TIAM1: variants seen among roughly 807,000 people sequenced by gnomAD.
The protein encoded by TIAM1 is rho guanine nucleotide exchange factor TIAM1.
TIAM1 carries 65 observed loss-of-function variants against 163.5 expected under a neutral mutation model. The observed-to-expected ratio is 0.40, with a 90% confidence interval of 0.33 to 0.49. TIAM1 has a LOEUF of 0.49. TIAM1 is among the 20% of genes least tolerant of loss of function. The pLI, the probability that TIAM1 is intolerant of heterozygous loss-of-function variation, is 0.77. For synonymous variants in TIAM1, 833 were observed against 810.1 expected, an observed-to-expected ratio of 1.03 and a Z score of -0.48; for missense variants, 1,789 against 2,044.7, an observed-to-expected ratio of 0.87 and a Z score of 2.41.
chr21:31,415,259 A>T (rs1042888907), intron 2 of TIAM1, among the ~76,000 whole-genome samples: 7 of 152,374 alleles, frequency 4.6e-5, no homozygotes, highest in Admixed American at 1.3e-4. Context: ...ACCTAAATTT[A>T]TAATGTTATT....
intron 1 of TIAM1, among the ~76,000 whole-genome samples, chr21:31,528,570 C>T (rs958774953): frequency 3.3e-5 from 5 of 151,034 alleles, no homozygotes; most frequent in African/African-American, 1.2e-4. Flanking sequence ...TTTGGGAGGC[C>T]GAGGCGGGCG....
At chr21:31,451,066 G>GAAA (rs75384560) in intron 2 of TIAM1, among the ~76,000 whole-genome samples, 5 of 140,482 alleles carry the variant, frequency 3.6e-5, no homozygotes, top group African/African-American at 1.3e-4. Context: ...ATTCTCAGAG[G>GAAA]AAAAAAAAAA....
intron 2 of TIAM1, among the ~76,000 whole-genome samples, chr21:31,361,208 C>T (rs1049204368): frequency 1.3e-5 from 2 of 152,178 alleles, no homozygotes; most frequent in African/African-American, 4.8e-5. Flanking sequence ...ACTAGAGCTA[C>T]ACCCAAGAGA....
chr21:31,260,923 G>T (rs1352642342), intron 4 of TIAM1, among the ~76,000 whole-genome samples: 1 of 152,168 alleles, frequency 6.6e-6, no homozygotes, highest in African/African-American at 2.4e-5. Flanking sequence ...TTTTTCATCT[G>T]ATTCTCAAGA....
intron 1 of TIAM1, among the ~76,000 whole-genome samples, chr21:31,504,771 C>T (rs1167330530): frequency 2.0e-5 from 3 of 152,010 alleles, no homozygotes; most frequent in Non-Finnish European, 2.9e-5. Context: ...TAGTATTCAT[C>T]GGCCTGCATT....
At chr21:31,296,089 G>A (rs1444354820) in intron 2 of TIAM1, among the ~76,000 whole-genome samples, 7 of 152,116 alleles carry the variant, frequency 4.6e-5, no homozygotes, top group Admixed American at 1.3e-4. Context: ...GTGAGCCACC[G>A]CACCCGGCCA....
chr21:31,387,195 C>CTTT (rs60592178), intron 2 of TIAM1, among the ~76,000 whole-genome samples: 7,880 of 74,230 alleles, frequency 0.11, 587 homozygotes, highest in Middle Eastern at 0.15. Context: ...AGCTTATTCT[C>CTTT]TTTTTTTTTT....
chr21:31,136,015 C>T lies in TIAM1; in HGVS notation c.3801G>A (p.Leu1267=). 6.2e-7 allele frequency: 1 copy of T among 1,614,158 alleles called. No homozygotes were observed. Among genetic ancestry groups the T allele is most frequent in the Non-Finnish European group, 8.5e-7 (1 of 1,180,026 alleles). ...GCCAGATCACGGTAGTGTGCAAAAGCAGGTCTCCCATGCTCAGATCTGCAA... is the reference window on the plus strand; with the variant it reads ...GCCAGATCACGGTAGTGTGCAAAAGTAGGTCTCCCATGCTCAGATCTGCAA... ...KEVADLSMGD[L]LLHTTVIWLN... is the part of the protein sequence containing the mutation. Residue 1267 remains leucine, a synonymous_variant, in exon 23 of 28, where the codon CTG becomes CTA. Coordinates refer to ENST00000541036, the MANE Select transcript of TIAM1 (RefSeq NM_001353694.2).
intron 2 of TIAM1, among the ~76,000 whole-genome samples, chr21:31,313,765 C>T (rs181584088): frequency 2.2e-4 from 33 of 152,256 alleles, no homozygotes; most frequent in African/African-American, 7.0e-4. Context: ...TCAGTAGAGA[C>T]GCGGTTTCAC....
intron 2 of TIAM1, among the ~76,000 whole-genome samples, chr21:31,396,064 C>T (rs2077063115): frequency 6.6e-6 from 1 of 152,174 alleles, no homozygotes; most frequent in South Asian, 2.1e-4. Context: ...CTTATAATTA[C>T]AGCTAGCAGT....
At chr21:31,281,888 CAGATGGATGGATGT>C (rs2073585076) in intron 2 of TIAM1, among the ~76,000 whole-genome samples, 2 of 151,600 alleles carry the variant, frequency 1.3e-5, no homozygotes, top group South Asian at 4.2e-4. Flanking sequence ...GGTAGATGGG[CAGATGGATGGATGT>C]AGATGGATGG....
chr21:31,279,308 C>A (rs543577939), intron 2 of TIAM1, among the ~76,000 whole-genome samples: 2 of 152,314 alleles, frequency 1.3e-5, no homozygotes, highest in Admixed American at 1.3e-4. Flanking sequence ...AAGAGCTCCA[C>A]AATCAGCAGA....
chr21:31,271,311 T>A (rs186944308), intron 3 of TIAM1, among the ~76,000 whole-genome samples: 1 of 152,060 alleles, frequency 6.6e-6, no homozygotes, highest in East Asian at 1.9e-4. Context: ...CTCATACAAC[T>A]ACAATGCAAC....
At chr21:31,403,945 A>G (rs1021608803) in intron 2 of TIAM1, among the ~76,000 whole-genome samples, 1 of 152,170 alleles carries the variant, frequency 6.6e-6, no homozygotes, top group Non-Finnish European at 1.5e-5. Context: ...TGATGGGATC[A>G]CGGAGGCAGG....
chr21:31,512,750 T>TG (rs772592371), intron 1 of TIAM1, among the ~76,000 whole-genome samples: 1 of 151,836 alleles, frequency 6.6e-6, no homozygotes, highest in Non-Finnish European at 1.5e-5. Flanking sequence ...CCCAAGTAGC[T>TG]GGGACAACCG....
intron 1 of TIAM1, among the ~76,000 whole-genome samples, chr21:31,484,200 A>T (rs1456012599): frequency 6.6e-6 from 1 of 152,124 alleles, no homozygotes. Context: ...TTTACATGCC[A>T]CCCAGTCTGT....
chr21:31,367,133 G>C (rs1444413027), intron 2 of TIAM1, among the ~76,000 whole-genome samples: 2 of 151,150 alleles, frequency 1.3e-5, no homozygotes, highest in Non-Finnish European at 2.9e-5. Context: ...AAGGAGAGAA[G>C]GAAGGAGGGA....
chr21:31,448,229 C>T (rs549724420), intron 2 of TIAM1, among the ~76,000 whole-genome samples: 25 of 152,210 alleles, frequency 1.6e-4, no homozygotes, highest in African/African-American at 5.8e-4. Context: ...GTAATAGGCC[C>T]CAAGAAAAAC....
intron 1 of TIAM1, among the ~76,000 whole-genome samples, chr21:31,491,063 G>A (rs985082106): frequency 3.3e-5 from 5 of 152,328 alleles, no homozygotes; most frequent in Admixed American, 2.6e-4. Flanking sequence ...CTAGGGAGTC[G>A]GAGGTTGCCG....
Sources: allele counts gnomAD v4.1 joint callset (sites outside exome capture counted in the v4.1 genomes callset), GRCh38; gene constraint gnomAD v4.1.1; transcripts MANE v1.5; gene names NCBI Gene and HGNC (gene_info 2026-07-23, HGNC 2026-07-21).